Variants in GPR161 observed in about 807,000 individuals in gnomAD.
GPR161 encodes the protein G protein-coupled receptor 161.
In GPR161, 25 loss-of-function variants were observed where a neutral mutation model predicts 39.2. That is an observed-to-expected ratio of 0.64 (90% CI 0.47 to 0.89). The LOEUF (loss-of-function observed/expected upper bound fraction) is 0.89, where lower values mean the gene tolerates loss of function less well. Among genes scored for constraint, GPR161 ranks in the 40% least tolerant of loss-of-function variants. The pLI is 0.00. For synonymous variants in GPR161, 286 were observed against 276.6 expected (o/e 1.03, Z -0.34); for missense variants, 547 against 677.8 (o/e 0.81, Z 2.14).
At chr1:168,110,559 AAAGAAAAG>A (rs1362174198) in intron 1 of GPR161, among the ~76,000 whole-genome samples, 1 of 107,514 alleles carries the variant, frequency 9.3e-6, no homozygotes, top group Non-Finnish European at 1.8e-5. Context: ...AAAGAAAAGA[AAAGAAAAG>A]AAAAGAAAAG....
intron 1 of GPR161, among the ~76,000 whole-genome samples, chr1:168,107,163 T>C (rs950113440): frequency 6.6e-6 from 1 of 152,064 alleles, no homozygotes; most frequent in Non-Finnish European, 1.5e-5. Context: ...GTTTATAGCT[T>C]ATATCACAGA....
chr1:168,125,625 T>A (rs1385562918), intron 1 of GPR161, among the ~76,000 whole-genome samples: 2 of 72,376 alleles, frequency 2.8e-5, no homozygotes, highest in Non-Finnish European at 5.0e-5. Context: ...TTCCCCCCCC[T>A]TTTTTTTTTT....
intron 1 of GPR161, among the ~76,000 whole-genome samples, chr1:168,119,303 C>T (rs1375565138): frequency 1.5e-5 from 2 of 133,180 alleles, no homozygotes; most frequent in Non-Finnish European, 3.1e-5. Flanking sequence ...TATATACATA[C>T]GTACATACAT....
At chr1:168,115,068 G>C (rs1319223951) in intron 1 of GPR161, among the ~76,000 whole-genome samples, 3 of 152,116 alleles carry the variant, frequency 2.0e-5, no homozygotes, top group African/African-American at 7.2e-5. Flanking sequence ...GGTTGTAGCA[G>C]CTGGCCGTCT....
At chr1:168,131,512 A>T (rs1205959202) in intron 1 of GPR161, among the ~76,000 whole-genome samples, 1 of 152,190 alleles carries the variant, frequency 6.6e-6, no homozygotes, top group East Asian at 1.9e-4. Flanking sequence ...AAAAGTTACT[A>T]TAAAAGTCAA....
At position 168,087,669 on chromosome 1, in the gene GPR161, C is replaced by T; in HGVS notation, c.1240G>A (p.Asp414Asn). 6.2e-7 allele frequency: 1 copy of T among 1,614,002 alleles called. No homozygotes were observed. The highest frequency in any genetic ancestry group is 2.2e-5 in the East Asian group (1 of 44,886). ...GTGCAGTGAGAGGGAGGGTTGTCAT[C>T]AGACGTGTAGTCCTCAAGCAGCATC... Reference protein sequence around the residue: ...DMMLLEDYTSDDNPPSHCTCP... With the variant: ...DMMLLEDYTSNDNPPSHCTCP... The change falls in exon 5 of 6, where the codon GAT (aspartate) becomes AAT (asparagine). Residue 414 changes from aspartate (D) to asparagine (N), a missense_variant. Coordinates refer to ENST00000682931, the MANE Select transcript of GPR161 (RefSeq NM_001375883.1).
chr1:168,104,523 T>A lies in GPR161; in HGVS notation c.328A>T (p.Ile110Phe). 6.2e-7 allele frequency: 1 copy of A among 1,613,964 alleles called. No individual in the cohort carries two copies. Among genetic ancestry groups the A allele is most frequent in the South Asian group, 1.1e-5 (1 of 91,060 alleles). Reference sequence around the variant, plus strand: ...AGGGTTAGCATGCTGGCAGAGCTGATCAGCAGGTAGAGGAGGGCAGAGAAG... The same window carrying A: ...AGGGTTAGCATGCTGGCAGAGCTGAACAGCAGGTAGAGGAGGGCAGAGAAG... Reference protein sequence around the residue: ...CNFSALLYLLISSASMLTLGV... With the variant: ...CNFSALLYLLFSSASMLTLGV... The change falls in exon 2 of 6, where the codon ATC becomes TTC. Residue 110 changes from isoleucine (I) to phenylalanine (F), a missense_variant. Physicochemically the swap from Ile to Phe is conservative, Grantham distance 21 (BLOSUM62 0). Transcript: ENST00000682931.
Position 168,104,847 on chromosome 1 carries a change from T to G in GPR161, c.4A>C (p.Ser2Arg), listed in dbSNP as rs751617620. 1.2e-6 allele frequency: 2 copies of G among 1,613,668 alleles called. No homozygotes were observed. Among genetic ancestry groups the G allele is most frequent in the African/African-American group, 2.7e-5 (2 of 74,892 alleles). The change falls in exon 2 of 6, where the codon AGC (serine) becomes CGC (arginine). Residue 2 changes from serine to arginine, a missense_variant. Ser to Arg is a moderately radical substitution (Grantham distance 110). Coordinates refer to ENST00000682931, the MANE Select transcript of GPR161 (RefSeq NM_001375883.1). The part of the protein sequence containing the change: M[S>R]LNSSLSCRKE... ...CTGCAGCTGAGGGAGGAGTTGAGGC[T>G]CATGGTCAGTGCACCTCGGCGTGGG...
At chr1:168,110,692 G>C (rs950811785) in intron 1 of GPR161, among the ~76,000 whole-genome samples, 40 of 152,112 alleles carry the variant, frequency 2.6e-4, no homozygotes, top group Admixed American at 2.2e-3. Context: ...GGGAGGCTGA[G>C]GTGGGTGGAT....
rs759000243 is a variant in GPR161 at position 168,096,696 on chromosome 1, C to T, written c.911G>A (p.Ser304Asn). 6.8e-6 allele frequency: 11 copies of T among 1,614,120 alleles called. No homozygotes were observed. The highest frequency in any genetic ancestry group is 8.5e-6 in the Non-Finnish European group (10 of 1,179,998). Residue 304 changes from serine (S) to asparagine (N), a missense_variant, in exon 3 of 6, where the codon AGC becomes AAC. Transcript: ENST00000682931. ...ALWGKSSVSP[S>N]LETWATWLSF... ...CAGCCATGTGGCCCAAGTCTCCAGG[C>T]TCGGGGAGACGGAGCTTTTCCCCCA...
chr1:168,133,076 A>G (rs1046467589), intron 1 of GPR161, among the ~76,000 whole-genome samples: 1 of 152,170 alleles, frequency 6.6e-6, no homozygotes, highest in Non-Finnish European at 1.5e-5. Context: ...TTGTAGGGGC[A>G]TGGACTATTT....
chr1:168,115,918 G>A (rs1483897301), intron 1 of GPR161, among the ~76,000 whole-genome samples: 2 of 152,050 alleles, frequency 1.3e-5, no homozygotes, highest in Non-Finnish European at 2.9e-5. Flanking sequence ...TGAGACTACA[G>A]GCGCCCGCCA....
At chr1:168,100,875 G>A (rs921051837) in intron 2 of GPR161, among the ~76,000 whole-genome samples, 3 of 152,182 alleles carry the variant, frequency 2.0e-5, no homozygotes, top group African/African-American at 7.2e-5. Context: ...CAGCAGCTTG[G>A]CAGCGATGAT....
intron 1 of GPR161, among the ~76,000 whole-genome samples, chr1:168,121,620 T>C (rs1698170505): frequency 1.3e-5 from 2 of 152,294 alleles, no homozygotes; most frequent in South Asian, 4.1e-4. Context: ...AAGAGTTAAG[T>C]GCTTCAGGAA....
At position 168,106,486 on chromosome 1, in the gene GPR161, G is replaced by A. The variant is rs1014206999; in HGVS notation, c.-44-1592C>T. ...ATTCCTGTACTCCCAGCTACTTAGC[G>A]GGCTGAGGTGGGAGGACCCCTTGAG... On this transcript the variant is annotated intron_variant, in intron 1 of 5. Transcript: ENST00000682931. Among the ~76,000 whole-genome samples, 5 of 152,148 alleles carry A rather than the reference G, an allele frequency of 3.3e-5. No homozygotes were observed. The East Asian group carries it at 5.8e-4, about 18-fold the overall frequency.
intron 1 of GPR161, among the ~76,000 whole-genome samples, chr1:168,129,889 A>G (rs1698859465): frequency 6.6e-6 from 1 of 152,170 alleles, no homozygotes; most frequent in Non-Finnish European, 1.5e-5. Context: ...GTCCTAGCCA[A>G]AGTCAAAATA....
rs373026961 is a variant in GPR161 at position 168,082,680 on chromosome 1, TAAGCTAAC to T, written c.*2843_*2850del. 3.1e-4 allele frequency: 47 copies of T among 152,314 alleles called. No individual in the cohort carries two copies. Among genetic ancestry groups the T allele is most frequent in the African/African-American group, 1.1e-3 (45 of 41,556 alleles). The allele number at this position is 152,314 out of a possible 1,614,324, so 9.4% of individuals were successfully genotyped here. A position where few individuals can be genotyped will look rare whatever the true frequency, so the allele number is the denominator to read the frequency against. ...CCAGAAGACACAGGACTGAGTTGTT[TAAGCTAAC>T]GAGTAGCCAAATGTCCCATGTGCCA... On this transcript the variant is annotated 3_prime_UTR_variant, in exon 6 of 6. Coordinates refer to ENST00000682931, the MANE Select transcript of GPR161 (RefSeq NM_001375883.1).
At chr1:168,101,306 TG>T (rs1484810319) in intron 2 of GPR161, among the ~76,000 whole-genome samples, 1 of 152,166 alleles carries the variant, frequency 6.6e-6, no homozygotes, top group Non-Finnish European at 1.5e-5. Flanking sequence ...TGGGAACCCC[TG>T]GGTATACGTG....
In GPR161 at chr1:168,112,584, G is replaced by A. The variant is rs536346198; in HGVS notation, c.-44-7690C>T. ...ATAAAAAATAAAATTTAGGCCTGGCGCAGTGGCTCATGCCTGTAATTCCAG... is the reference window on the plus strand; with the variant it reads ...ATAAAAAATAAAATTTAGGCCTGGCACAGTGGCTCATGCCTGTAATTCCAG... On this transcript the variant is annotated intron_variant, in intron 1 of 5. Coordinates refer to ENST00000682931, the MANE Select transcript of GPR161 (RefSeq NM_001375883.1). 7.3e-5 allele frequency among the ~76,000 whole-genome samples: 11 copies of A among 151,630 alleles called. 1 individual carries two copies. The highest frequency in any genetic ancestry group is 3.3e-4 in the Admixed American group (5 of 15,240).
Sources: allele counts gnomAD v4.1 joint callset (sites outside exome capture counted in the v4.1 genomes callset), GRCh38; gene constraint gnomAD v4.1.1; transcripts MANE v1.5; gene names NCBI Gene and HGNC (gene_info 2026-07-23, HGNC 2026-07-21).